ABCC8: variants seen among roughly 807,000 people sequenced by gnomAD.
ABCC8 encodes ATP-binding cassette sub-family C member 8.
In ABCC8, 137 loss-of-function variants were observed where a neutral mutation model predicts 188.0. That is an observed-to-expected ratio of 0.73 (90% CI 0.63 to 0.84). The LOEUF is 0.84. Among genes scored for constraint, ABCC8 ranks in the 40% least tolerant of loss-of-function variants. ABCC8 has a pLI of 0.00. For missense variants in ABCC8, 1,750 were observed against 2,072.7 expected (o/e 0.84, Z 3.02); for synonymous variants, 797 against 846.5 (o/e 0.94, Z 1.01).
chr11:17,461,847 G>C (rs1189841321), intron 4 of ABCC8, 22 bp from the exon 5 acceptor site: 1 of 1,613,316 alleles, frequency 6.2e-7, no homozygotes. Flanking sequence ...ATGGGCCATG[G>C]GGGATGGGTA....
intron 7 of ABCC8, among the ~76,000 whole-genome samples, chr11:17,450,302 CTTTCTTTCTTTCTTTCTT>C (rs1956734199): frequency 4.5e-5 from 6 of 132,822 alleles, no homozygotes; most frequent in East Asian, 4.2e-4. Flanking sequence ...TTCTTTCTTT[CTTTCTTTCTTTCTTTCTT>C]TCTTTCTCTC....
chr11:17,435,582 A>G (rs1956055397), intron 10 of ABCC8: 1 of 1,358,460 alleles, frequency 7.4e-7, no homozygotes, highest in African/African-American at 1.4e-5. Flanking sequence ...AATAAGGAGA[A>G]CTTTTCCCAG....
In ABCC8 at chr11:17,419,120, C is replaced by T. The variant is rs146729632; in HGVS notation, c.2223-2158G>A. 8.6e-3 allele frequency among the ~76,000 whole-genome samples: 1,311 copies of T among 152,304 alleles called. 13 individuals carry two copies. Among genetic ancestry groups the T allele is most frequent in the South Asian group, 0.017 (84 of 4,816 alleles). On this transcript the variant is annotated intron_variant, in intron 16 of 38. Coordinates refer to ENST00000389817, the MANE Select transcript of ABCC8 (RefSeq NM_000352.6). ...TTTCCAGTGTAGCCCCAAGCCTCCT[C>T]CAGTGAGCCTCCCCAAACTTTGTAT...
At position 17,427,756 on chromosome 11, in the gene ABCC8, C is replaced by G; in HGVS notation, c.2116+111G>C. The G allele has an allele frequency of 7.1e-7, 1 of 1,407,512 alleles. No homozygotes were observed. 87.2% of individuals were successfully genotyped at this position (1,407,512 alleles called of 1,614,324 possible). A position where few individuals can be genotyped will look rare whatever the true frequency, so the allele number is the denominator to read the frequency against. ...TCTATAATATACCCAGGGCATACAC[C>G]AAGAATGAGCAGAGAGTAGGTGCTC... On this transcript the variant is annotated intron_variant, in intron 15 of 38. Transcript: ENST00000389817. This position sits in a 1 kb window ranked among gnomAD's most constrained non-coding sequence, Gnocchi z 5.0.
At chr11:17,473,995 C>T (rs962382369) in intron 2 of ABCC8, among the ~76,000 whole-genome samples, 2 of 152,186 alleles carry the variant, frequency 1.3e-5, no homozygotes, top group African/African-American at 2.4e-5. Context: ...CCTAGCCCTA[C>T]CTGCTTTTCT....
At chr11:17,395,396 G>A (rs769480452) in intron 35 of ABCC8, 121 bp from the exon 36 acceptor site, 23 of 1,529,484 alleles carry the variant, frequency 1.5e-5, no homozygotes, top group South Asian at 1.5e-4. Flanking sequence ...GAGAAGCACC[G>A]AGGTGGTGGC....
chr11:17,436,031 G>A (rs77746160), intron 10 of ABCC8: 1 of 1,230,370 alleles, frequency 8.1e-7, no homozygotes, highest in South Asian at 1.2e-5. Context: ...GGAGATATGG[G>A]ACAGTTTGAA....
chr11:17,451,190 C>A (rs527281878), intron 7 of ABCC8, among the ~76,000 whole-genome samples: 5 of 152,148 alleles, frequency 3.3e-5, no homozygotes, highest in Non-Finnish European at 7.3e-5. Flanking sequence ...TACAAAACTG[C>A]CCAACCACAA....
In ABCC8 at chr11:17,428,338, T is replaced by C. The variant is rs760801376; in HGVS notation, c.1991A>G (p.Gln664Arg). Residue 664 changes from glutamine to arginine, a missense_variant, in exon 14 of 39, where the codon CAG becomes CGG. Physicochemically the swap from Gln to Arg is conservative, Grantham distance 43. Coordinates refer to ENST00000389817, the MANE Select transcript of ABCC8 (RefSeq NM_000352.6). Reference protein sequence around the residue: ...EDCRGLTGPLQSLVPSADGDA... With the variant: ...EDCRGLTGPLRSLVPSADGDA... ...GCCATCTGCACTGGGGACCAGGCTC[T>C]GCAGTGGGCCGGTGAGGCCCCGACA... 2.5e-6 allele frequency: 4 copies of C among 1,614,190 alleles called. No individual in the cohort carries two copies. The highest frequency in any genetic ancestry group is 3.4e-6 in the Non-Finnish European group (4 of 1,180,032).
At chr11:17,444,902 T>C (rs150967215) in intron 8 of ABCC8, among the ~76,000 whole-genome samples, 217 of 152,334 alleles carry the variant, frequency 1.4e-3, no homozygotes, top group African/African-American at 3.7e-3. Context: ...TGCAGGACTA[T>C]TGTGAAGATT....
chr11:17,421,951 G>C (rs556478027), intron 16 of ABCC8, among the ~76,000 whole-genome samples: 1 of 152,320 alleles, frequency 6.6e-6, no homozygotes, highest in South Asian at 2.1e-4. Context: ...TCTTGGCCTG[G>C]GTATGGCTGA....
chr11:17,428,243 C>T (rs766505331), intron 14 of ABCC8, 46 bp downstream of exon 14: 2 of 1,613,148 alleles, frequency 1.2e-6, no homozygotes, highest in Non-Finnish European at 8.5e-7. Flanking sequence ...TGAGCTCCCT[C>T]TGGGAGTTGG....
rs1305808889 is a variant in ABCC8, at chr11:17,395,593, G to A, written c.4307+17C>T. The A allele has an allele frequency of 6.5e-7, 1 of 1,547,004 alleles. No individual in the cohort carries two copies. Among genetic ancestry groups the A allele is most frequent in the Non-Finnish European group, 8.7e-7 (1 of 1,147,312 alleles). ...CCGGCCTGGGGCTGGGTGGGCCTGAGGGGTGGTGGGGCTCACCGGATGGTG... is the reference window on the plus strand; with the variant it reads ...CCGGCCTGGGGCTGGGTGGGCCTGAAGGGTGGTGGGGCTCACCGGATGGTG... On this transcript the variant is annotated intron_variant, in intron 35 of 38. Coordinates refer to ENST00000389817, the MANE Select transcript of ABCC8 (RefSeq NM_000352.6).
chr11:17,473,201 C>A (rs1848574228), intron 2 of ABCC8, among the ~76,000 whole-genome samples: 1 of 151,992 alleles, frequency 6.6e-6, no homozygotes, highest in Admixed American at 6.6e-5. Context: ...CTTTCTCTGT[C>A]ACCATCTGGT....
Position 17,402,754 on chromosome 11 carries a change from C to T in ABCC8, c.3558-1G>A. 1 of 1,614,232 alleles carries T rather than the reference C, an allele frequency of 6.2e-7. No individual in the cohort carries two copies. Among genetic ancestry groups the T allele is most frequent in the South Asian group, 1.1e-5 (1 of 91,084 alleles). ...GGTGTCATCCAGCTGCTGCAGGTCCCTGTGGCGGGGAACAGAGTGGAACAG... is the reference window on the plus strand; with the variant it reads ...GGTGTCATCCAGCTGCTGCAGGTCCTTGTGGCGGGGAACAGAGTGGAACAG... On this transcript the variant is annotated splice_acceptor_variant, in intron 28 of 38. Coordinates refer to ENST00000389817, the MANE Select transcript of ABCC8 (RefSeq NM_000352.6). LOFTEE classifies it high-confidence loss of function.
chr11:17,413,011 G>T (rs1257459894), intron 20 of ABCC8: 2 of 692,122 alleles, frequency 2.9e-6, no homozygotes, highest in Non-Finnish European at 4.7e-6. Context: ...AGGCAGCAGG[G>T]ATTAAAATCA....
chr11:17,398,240 C>G, intron 30 of ABCC8, 99 bp downstream of exon 30: 1 of 1,477,842 alleles, frequency 6.8e-7, no homozygotes, highest in Admixed American at 1.9e-5. Context: ...TCCACACGAT[C>G]TGGTATCCTA....
At chr11:17,457,135 G>A (rs891403808) in intron 6 of ABCC8, among the ~76,000 whole-genome samples, 2 of 152,176 alleles carry the variant, frequency 1.3e-5, no homozygotes, top group African/African-American at 4.8e-5. Context: ...CCAGCTGCAT[G>A]GACATGGTTA....
intron 7 of ABCC8, among the ~76,000 whole-genome samples, chr11:17,450,260 C>CTCTTTCTTTCTTTCTTTCTTTCTTTCTT (rs58452277): frequency 1.5e-5 from 1 of 67,664 alleles, no homozygotes; most frequent in Admixed American, 1.6e-4. Flanking sequence ...TTCTTTCTTT[C>CTCTTTCTTTCTTTCTTTCTTTCTTTCTT]TCTTTCTTTC....
Sources: allele counts gnomAD v4.1 joint callset (sites outside exome capture counted in the v4.1 genomes callset), GRCh38; gene constraint gnomAD v4.1.1; non-coding constraint Gnocchi (gnomAD v3.1); transcripts MANE v1.5; gene names NCBI Gene and HGNC (gene_info 2026-07-23, HGNC 2026-07-21).